GABRB1: variants seen among roughly 807,000 people sequenced by gnomAD.
GABRB1 encodes the protein gamma-aminobutyric acid type A receptor subunit beta1, also known as gamma-aminobutyric acid receptor subunit beta-1.
A neutral mutation model predicts 51.6 loss-of-function variants in GABRB1; 17 were observed. The observed-to-expected ratio is 0.33, with a 90% CI of 0.23 to 0.49. The LOEUF (loss-of-function observed/expected upper bound fraction) is 0.49. GABRB1 is among the 20% of genes least tolerant of loss of function. The pLI is 0.99. For missense variants in GABRB1, 410 were observed against 600.6 expected (o/e 0.68, Z 3.32); for synonymous variants, 247 against 218.9 (o/e 1.13, Z -1.14).
intron 4 of GABRB1, among the ~76,000 whole-genome samples, chr4:47,206,274 T>C (rs73815410): frequency 3.9e-4 from 60 of 152,184 alleles, no homozygotes; most frequent in African/African-American, 1.3e-3. Flanking sequence ...TTAAAATTCA[T>C]GGAAGCTCTA....
chr4:47,418,948 G>A (rs1157518302), intron 8 of GABRB1, among the ~76,000 whole-genome samples: 2 of 152,160 alleles, frequency 1.3e-5, no homozygotes, highest in African/African-American at 4.8e-5. Flanking sequence ...TGAAATGTGA[G>A]CATGAATATA....
chr4:47,338,375 C>T lies in GABRB1; in HGVS notation c.544+18166C>T, dbSNP rs994363282. The stretch of plus-strand genomic sequence containing the variant: ...TACATCCTAGTCCGTCAAAAGCTTA[C>T]ATTCCCAAAGTAGCATTTTTACAGA... On this transcript the variant is annotated intron_variant, in intron 5 of 8. Transcript: ENST00000295454. Among the ~76,000 whole-genome samples, 28 of 152,354 alleles carry T rather than the reference C, an allele frequency of 1.8e-4. No homozygotes were observed. The Middle Eastern group carries it at 0.014, about 74-fold the overall frequency.
At chr4:47,248,987 G>T (rs1421938233) in intron 4 of GABRB1, among the ~76,000 whole-genome samples, 3 of 148,998 alleles carry the variant, frequency 2.0e-5, no homozygotes. Flanking sequence ...TTTGTATTTT[G>T]TTTGTTTGTT....
At chr4:47,398,304 C>T (rs1207239471) in intron 5 of GABRB1, among the ~76,000 whole-genome samples, 1 of 152,156 alleles carries the variant, frequency 6.6e-6, no homozygotes, top group African/African-American at 2.4e-5. Flanking sequence ...ACTGAATATA[C>T]AATTGCATAC....
intron 4 of GABRB1, among the ~76,000 whole-genome samples, chr4:47,164,530 C>T (rs761110792): frequency 3.3e-5 from 5 of 152,010 alleles, no homozygotes; most frequent in South Asian, 2.1e-4. Flanking sequence ...TCATCATGAA[C>T]GGGTCCATAT....
chr4:47,148,653 A>G (rs999943751), intron 3 of GABRB1, among the ~76,000 whole-genome samples: 9 of 151,900 alleles, frequency 5.9e-5, no homozygotes, highest in African/African-American at 1.9e-4. Flanking sequence ...CTTAAGGATC[A>G]CTGTGGAAGA....
At chr4:47,031,850 A>G in intron 1 of GABRB1, 64 bp from the exon 2 acceptor site, 2 of 1,531,324 alleles carry the variant, frequency 1.3e-6, no homozygotes, top group East Asian at 2.3e-5. Context: ...GTGTGCCTGT[A>G]TCTTTTTATA....
chr4:47,097,098 A>C (rs1371127009), intron 3 of GABRB1, among the ~76,000 whole-genome samples: 1 of 152,250 alleles, frequency 6.6e-6, no homozygotes, highest in African/African-American at 2.4e-5. Context: ...AACAAAAATC[A>C]GATGCTGTCT....
At chr4:47,390,422 G>A (rs1041924764) in intron 5 of GABRB1, among the ~76,000 whole-genome samples, 1 of 152,242 alleles carries the variant, frequency 6.6e-6, no homozygotes, top group Admixed American at 6.5e-5. Flanking sequence ...ATTAAGCACA[G>A]TGGGGAGTAA....
chr4:47,013,805 T>C (rs986597017), intron 1 of GABRB1, among the ~76,000 whole-genome samples: 1 of 152,200 alleles, frequency 6.6e-6, no homozygotes, highest in African/African-American at 2.4e-5. Context: ...CAATAGTGTC[T>C]TGGAGTGAAA....
At chr4:47,366,810 G>A (rs1369915123) in intron 5 of GABRB1, among the ~76,000 whole-genome samples, 2 of 152,172 alleles carry the variant, frequency 1.3e-5, no homozygotes, top group Non-Finnish European at 2.9e-5. Context: ...CACTGTCATG[G>A]AAGAATTAAA....
intron 3 of GABRB1, among the ~76,000 whole-genome samples, chr4:47,095,000 C>T (rs1714338661): frequency 6.6e-6 from 1 of 151,768 alleles, no homozygotes; most frequent in Admixed American, 6.6e-5. Flanking sequence ...AAATGTCAGG[C>T]AGAAAAATCT....
chr4:47,025,370 G>A (rs1445915971), intron 1 of GABRB1, among the ~76,000 whole-genome samples: 3 of 151,840 alleles, frequency 2.0e-5, no homozygotes, highest in Non-Finnish European at 4.4e-5. Flanking sequence ...CAGCAGTGTA[G>A]AAGTGTTCCC....
At chr4:47,377,007 T>C (rs182280106) in intron 5 of GABRB1, among the ~76,000 whole-genome samples, 17 of 151,460 alleles carry the variant, frequency 1.1e-4, no homozygotes, top group Admixed American at 5.3e-4. Context: ...TTGTATTTAT[T>C]TATCCATCTC....
At chr4:47,295,613 A>G (rs1046176156) in intron 4 of GABRB1, among the ~76,000 whole-genome samples, 1 of 152,240 alleles carries the variant, frequency 6.6e-6, no homozygotes, top group African/African-American at 2.4e-5. Flanking sequence ...CTATGAGAAA[A>G]GACCAAATCT....
intron 4 of GABRB1, among the ~76,000 whole-genome samples, chr4:47,304,161 T>C (rs946401681): frequency 6.6e-6 from 1 of 151,990 alleles, no homozygotes; most frequent in Non-Finnish European, 1.5e-5. Context: ...ATTTACCCAG[T>C]AGACGGATTG....
rs1725368759 is a variant in GABRB1, at chr4:47,329,159, T to C, written c.544+8950T>C. 3.9e-5 allele frequency among the ~76,000 whole-genome samples: 6 copies of C among 152,192 alleles called. No individual in the cohort carries two copies. The South Asian group carries it at 1.0e-3, about 26-fold the overall frequency. On this transcript the variant is annotated intron_variant, in intron 5 of 8. Coordinates refer to ENST00000295454, the MANE Select transcript of GABRB1 (RefSeq NM_000812.4). ...CATCTGGAGAATTAAGTCCAGTTTT[T>C]AATGCCATTTTAAGGTAATTTCATT...
rs139139134 is a variant in GABRB1, at chr4:47,379,172, A to G, written c.545-24146A>G. 3.2e-3 allele frequency among the ~76,000 whole-genome samples: 481 copies of G among 152,308 alleles called. 6 individuals are homozygous for G. Among genetic ancestry groups the G allele is most frequent in the African/African-American group, 0.011 (438 of 41,556 alleles). On this transcript the variant is annotated intron_variant, in intron 5 of 8. Coordinates refer to ENST00000295454, the MANE Select transcript of GABRB1 (RefSeq NM_000812.4). ...ATACTATAGTACATAGTATATTACT[A>G]AGTATACTATACTATACTGTACTAT...
chr4:47,306,528 T>A lies in GABRB1; in HGVS notation c.462-13599T>A, dbSNP rs560948879. Among the ~76,000 whole-genome samples, 99 of 151,962 alleles carry A rather than the reference T, an allele frequency of 6.5e-4. No homozygotes were observed. In the South Asian group the frequency reaches 0.019, roughly 30 times the overall value. ...CAAGGATGGGAGGAGGAATTATAGA[T>A]TAATCCAATACCACCTTCATCCCAT... On this transcript the variant is annotated intron_variant, in intron 4 of 8. Transcript: ENST00000295454.
Sources: gnomAD v4.1 joint callset for allele counts (sites outside exome capture counted in the v4.1 genomes callset) on GRCh38, gnomAD v4.1.1 for gene constraint, MANE v1.5 for transcripts, NCBI Gene and HGNC (gene_info 2026-07-23, HGNC 2026-07-21) for gene names.